The following COL22A1 variants were observed in gnomAD, a reference collection of about 807,000 sequenced individuals.
The protein encoded by COL22A1 is collagen alpha-1(XXII) chain.
Under a neutral mutation model 248.9 loss-of-function variants are expected in COL22A1, and 221 were observed. The ratio of observed to expected loss-of-function variants is 0.89; its 90% CI spans 0.80 to 0.99. The LOEUF (loss-of-function observed/expected upper bound fraction) is 0.99. Ranked by LOEUF, COL22A1 falls within the 50% of genes least tolerant of loss-of-function variation. The pLI, the probability that COL22A1 is intolerant of heterozygous loss-of-function variation, is 0.00. For missense variants in COL22A1, 2,240 were observed against 2,179.0 expected, an observed-to-expected ratio of 1.03 and a Z score of -0.56; for synonymous variants, 891 against 793.4, an observed-to-expected ratio of 1.12 and a Z score of -2.07.
chr8:138,693,613 C>T, intron 35 of COL22A1, 33 bp downstream of exon 35: 5 of 1,561,774 alleles, frequency 3.2e-6, no homozygotes, highest in Non-Finnish European at 4.3e-6. Context: ...CTCCGGGGCT[C>T]CCCCACGAGG....
chr8:138,641,239 G>A (rs1473067459), intron 47 of COL22A1, among the ~76,000 whole-genome samples: 1 of 152,182 alleles, frequency 6.6e-6, no homozygotes, highest in Non-Finnish European at 1.5e-5. Context: ...TTTTCAGGTA[G>A]TGCCAATGGC....
intron 51 of COL22A1, among the ~76,000 whole-genome samples, chr8:138,624,177 T>C (rs1485701904): frequency 2.0e-5 from 3 of 152,128 alleles, no homozygotes; most frequent in Non-Finnish European, 4.4e-5. Flanking sequence ...ATGCTGACGA[T>C]GATAATGAGG....
chr8:138,673,655 G>A lies in COL22A1; in HGVS notation c.3150+2903C>T, dbSNP rs183789190. ...TGGTTTCAGAGGTTGTGGGAAGCGG[G>A]TCTGTATCCTGGCCCTGCCCTGGGC... is the stretch of plus-strand genomic sequence containing the variant. On this transcript the variant is annotated intron_variant, in intron 41 of 64. Coordinates refer to ENST00000303045, the MANE Select transcript of COL22A1 (RefSeq NM_152888.3). Among the ~76,000 whole-genome samples the A allele has an allele frequency of 4.1e-3, 627 of 152,300 alleles. 3 individuals are homozygous for A. Among genetic ancestry groups the A allele is most frequent in the African/African-American group, 0.013 (552 of 41,576 alleles).
chr8:138,759,359 G>A (rs144442997), intron 18 of COL22A1, among the ~76,000 whole-genome samples: 45 of 152,314 alleles, frequency 3.0e-4, no homozygotes, highest in African/African-American at 1.0e-3. Context: ...GAGAAGAAGC[G>A]ATGCTGATCG....
chr8:138,652,164 G>T (rs1029834739), intron 45 of COL22A1, among the ~76,000 whole-genome samples: 2 of 152,220 alleles, frequency 1.3e-5, no homozygotes, highest in Non-Finnish European at 2.9e-5. Flanking sequence ...CTCCAGCTCA[G>T]AGGGCAATTC....
At chr8:138,874,699 C>T (rs1318988188) in intron 3 of COL22A1, among the ~76,000 whole-genome samples, 1 of 152,202 alleles carries the variant, frequency 6.6e-6, no homozygotes, top group East Asian at 1.9e-4. Flanking sequence ...TGCTCCCAGC[C>T]CAGGAGGCCA....
chr8:138,852,365 C>T (rs187539429), intron 3 of COL22A1, among the ~76,000 whole-genome samples: 118 of 152,258 alleles, frequency 7.7e-4, no homozygotes, highest in Non-Finnish European at 8.7e-4. Context: ...TCCTGAAAGA[C>T]TGGGCAGGAT....
At chr8:138,825,838 G>T (rs1178217106) in intron 6 of COL22A1, 1 of 152,176 alleles carries the variant, frequency 6.6e-6, no homozygotes, top group African/African-American at 2.4e-5. Flanking sequence ...AGAAAGAAAC[G>T]GTTTGTCTAT....
rs116941057 is a variant in COL22A1, at chr8:138,610,612, T to C, written c.3979-2623A>G. 2.5e-3 allele frequency among the ~76,000 whole-genome samples: 376 copies of C among 152,318 alleles called. 4 individuals carry two copies. Among genetic ancestry groups the C allele is most frequent in the Admixed American group, 5.3e-3 (81 of 15,304 alleles). ...TCCTTATGATGTACCCGAGAATTGA[T>C]AGGAGCAAGCTAGAACCACACAGCG... On this transcript the variant is annotated intron_variant, in intron 56 of 64. Transcript: ENST00000303045.
intron 1 of COL22A1, among the ~76,000 whole-genome samples, chr8:138,891,952 T>G (rs1825102079): frequency 1.3e-5 from 2 of 152,242 alleles, no homozygotes. Flanking sequence ...TAATTGATTT[T>G]CAGATGTTGA....
intron 4 of COL22A1, among the ~76,000 whole-genome samples, chr8:138,837,941 C>T (rs1214086566): frequency 6.6e-6 from 1 of 152,192 alleles, no homozygotes; most frequent in East Asian, 1.9e-4. Context: ...GGGGTGAGGA[C>T]GTGCCTTGCA....
chr8:138,698,302 C>A (rs887837042), intron 32 of COL22A1, among the ~76,000 whole-genome samples: 2 of 152,192 alleles, frequency 1.3e-5, no homozygotes, highest in Non-Finnish European at 2.9e-5. Context: ...GACGCTCCAT[C>A]CAGTGCGCTA....
At chr8:138,865,985 TTGTATGCCTGTGTCTA>T (rs1043451509) in intron 3 of COL22A1, among the ~76,000 whole-genome samples, 4 of 151,796 alleles carry the variant, frequency 2.6e-5, no homozygotes, top group African/African-American at 9.7e-5. Context: ...GTGTGTGTGT[TTGTATGCCTGTGTCTA>T]TGTATGTTTG....
At chr8:138,686,759 C>T (rs949090280) in intron 37 of COL22A1, among the ~76,000 whole-genome samples, 2 of 152,182 alleles carry the variant, frequency 1.3e-5, no homozygotes, top group African/African-American at 2.4e-5. Context: ...GTTAGTCCTC[C>T]TAAGAGGCCA....
chr8:138,774,415 C>CTTTT (rs142280789), intron 16 of COL22A1, among the ~76,000 whole-genome samples: 5 of 128,088 alleles, frequency 3.9e-5, no homozygotes, highest in African/African-American at 5.8e-5. Context: ...CAAAAGCATT[C>CTTTT]TTTTTTTTTT....
chr8:138,702,517 T>C (rs1460237471), intron 31 of COL22A1, among the ~76,000 whole-genome samples: 1 of 151,926 alleles, frequency 6.6e-6, no homozygotes, highest in Non-Finnish European at 1.5e-5. Flanking sequence ...GATACATGTT[T>C]AGGGTCAGGG....
At position 138,632,529 on chromosome 8, in the gene COL22A1, T is replaced by C. The variant is rs990686090; in HGVS notation, c.3610-1781A>G. 7.2e-5 allele frequency among the ~76,000 whole-genome samples: 11 copies of C among 152,334 alleles called. No individual in the cohort carries two copies. In the South Asian group the frequency reaches 1.9e-3, roughly 26 times the overall value. On this transcript the variant is annotated intron_variant, in intron 49 of 64. Transcript: ENST00000303045. ...ATAAGCAAGTTCCCGCAGTACTCTATTGATGTCTTTCCAGCAGCCTTTATT... is the reference window on the plus strand; with the variant it reads ...ATAAGCAAGTTCCCGCAGTACTCTACTGATGTCTTTCCAGCAGCCTTTATT...
At chr8:138,589,498 G>T (rs1816857200) in intron 64 of COL22A1, 58 bp from the exon 65 acceptor site, 1 of 1,334,572 alleles carries the variant, frequency 7.5e-7, no homozygotes, top group Non-Finnish European at 1.0e-6. Flanking sequence ...GGAGGGGATG[G>T]GCCCTGAACT....
At chr8:138,841,966 C>A (rs1820916855) in intron 4 of COL22A1, among the ~76,000 whole-genome samples, 1 of 152,244 alleles carries the variant, frequency 6.6e-6, no homozygotes, top group East Asian at 1.9e-4. Context: ...GGTAAGTTTG[C>A]CTGATTTTTA....
Sources: allele counts gnomAD v4.1 joint callset (sites outside exome capture counted in the v4.1 genomes callset), GRCh38; gene constraint gnomAD v4.1.1; transcripts MANE v1.5; gene names NCBI Gene and HGNC (gene_info 2026-07-23, HGNC 2026-07-21).